LIX1L: variants seen among roughly 807,000 people sequenced by gnomAD.
LIX1L encodes LIX1-like protein.
Under a neutral mutation model 34.0 loss-of-function variants are expected in LIX1L, and 20 were observed. The observed-to-expected ratio is 0.59, with a 90% CI of 0.41 to 0.85. The LOEUF is 0.85. Ranked by LOEUF, LIX1L falls within the 40% of genes least tolerant of loss-of-function variation. The probability of loss-of-function intolerance (pLI) is 0.00; values close to 1 mark genes in which losing one functional copy is unlikely to be tolerated. For missense variants in LIX1L, 397 were observed against 447.0 expected, an observed-to-expected ratio of 0.89 and a Z score of 1.01; for synonymous variants, 170 against 187.4, an observed-to-expected ratio of 0.91 and a Z score of 0.76.
intron 2 of LIX1L, chr1:145,947,370 A>G: frequency 2.2e-6 from 1 of 447,360 alleles, no homozygotes; most frequent in East Asian, 3.3e-5. Flanking sequence ...TGGTAGTCGG[A>G]TATACTGAGC....
rs781998509 is a variant in LIX1L, at chr1:145,942,768, C to T, written c.542G>A (p.Arg181Lys). The T allele has an allele frequency of 6.2e-7, 1 of 1,614,120 alleles. No individual in the cohort carries two copies. Among genetic ancestry groups the T allele is most frequent in the South Asian group, 1.1e-5 (1 of 91,082 alleles). Residue 181 changes from arginine to lysine, a missense_variant, in exon 3 of 6, where the codon AGA becomes AAA. Arg to Lys is a conservative substitution (Grantham distance 26, BLOSUM62 2). Transcript: ENST00000604000. The stretch of plus-strand genomic sequence containing the variant: ...CTTCTCGATGAACTCATCAGTGATT[C>T]TTCGGGAAGGATGTTCATTAAACAC... ...NSVFNEHPSR[R>K]ITDEFIEKSV...
At chr1:145,949,786 C>A (rs1228252666) in intron 1 of LIX1L, among the ~76,000 whole-genome samples, 1 of 151,258 alleles carries the variant, frequency 6.6e-6, no homozygotes, top group Admixed American at 6.6e-5. Flanking sequence ...CCCAGGTGCT[C>A]TGAAATATCT....
At chr1:145,936,712 G>T in intron 5 of LIX1L, 160 bp from the exon 6 acceptor site, 1 of 880,960 alleles carries the variant, frequency 1.1e-6, no homozygotes, top group Admixed American at 2.4e-5. Flanking sequence ...GCTACGGGAA[G>T]CAAGATAGAC....
chr1:145,953,582 A>G (rs587606605), intron 1 of LIX1L, among the ~76,000 whole-genome samples: 9 of 152,296 alleles, frequency 5.9e-5, no homozygotes, highest in African/African-American at 2.2e-4. Flanking sequence ...TGACTTTGGG[A>G]GGGGACTCTG....
Position 145,957,943 on chromosome 1 carries a change from A to C in LIX1L, c.-16T>G, listed in dbSNP as rs1649556291. 1 of 1,455,242 alleles carries C rather than the reference A, an allele frequency of 6.9e-7. No individual in the cohort carries two copies. The highest frequency in any genetic ancestry group is 1.5e-5 in the African/African-American group (1 of 68,042). The allele number at this position is 1,455,242 out of a possible 1,614,324, so 90.1% of individuals were successfully genotyped here. A position where few individuals can be genotyped will look rare whatever the true frequency, so the allele number is the denominator to read the frequency against. Reference sequence around the variant, plus strand: ...TAGTCTCCATCCCGGCCGCCAATGGAGTAGCGCCCCGGAGCCTGCCAGCCT... The same window carrying C: ...TAGTCTCCATCCCGGCCGCCAATGGCGTAGCGCCCCGGAGCCTGCCAGCCT... On this transcript the variant is annotated 5_prime_UTR_variant, in exon 1 of 6. Transcript: ENST00000604000.
At chr1:145,949,700 T>C (rs1553759596) in intron 1 of LIX1L, among the ~76,000 whole-genome samples, 2 of 152,144 alleles carry the variant, frequency 1.3e-5, no homozygotes, top group East Asian at 3.9e-4. Flanking sequence ...AGTTTGCTTT[T>C]AGAAAGGATC....
chr1:145,956,924 A>T (rs1203720451), intron 1 of LIX1L, among the ~76,000 whole-genome samples: 1 of 152,196 alleles, frequency 6.6e-6, no homozygotes, highest in Admixed American at 6.6e-5. Flanking sequence ...AAGGCCTGGG[A>T]TTTATCCTCA....
intron 1 of LIX1L, among the ~76,000 whole-genome samples, chr1:145,952,086 AGAAAGAACAG>A (rs1553759876): frequency 6.6e-6 from 1 of 152,216 alleles, no homozygotes. Context: ...ATGCTGGCTA[AGAAAGAACAG>A]AAGACTTGTT....
At chr1:145,943,377 A>C (rs587677826) in intron 2 of LIX1L, among the ~76,000 whole-genome samples, 13 of 152,290 alleles carry the variant, frequency 8.5e-5, no homozygotes, top group Middle Eastern at 3.4e-3. Context: ...GTGAGCAGGC[A>C]TTTTCTCAAA....
chr1:145,956,448 T>C (rs1393002056), intron 1 of LIX1L, among the ~76,000 whole-genome samples: 1 of 152,220 alleles, frequency 6.6e-6, no homozygotes, highest in Non-Finnish European at 1.5e-5. Context: ...AGTCAATCCA[T>C]ATTGTAACCC....
chr1:145,946,356 G>A (rs1176579435), intron 2 of LIX1L, among the ~76,000 whole-genome samples: 1 of 151,794 alleles, frequency 6.6e-6, no homozygotes, highest in Non-Finnish European at 1.5e-5. Context: ...GCACCACCAT[G>A]CCCAGCTAAT....
rs1553758831 is a variant in LIX1L, at chr1:145,942,771, C to T, written c.539G>A (p.Arg180Gln). The T allele has an allele frequency of 5.0e-6, 8 of 1,613,938 alleles. No individual in the cohort carries two copies. The highest frequency in any genetic ancestry group is 2.2e-5 in the East Asian group (1 of 44,904). The change falls in exon 3 of 6, where the codon CGA becomes CAA. Residue 180 changes from arginine (R) to glutamine (Q), a missense_variant. Transcript: ENST00000604000. The stretch of plus-strand genomic sequence containing the variant: ...CTCGATGAACTCATCAGTGATTCTT[C>T]GGGAAGGATGTTCATTAAACACAGA... ...MNSVFNEHPS[R>Q]RITDEFIEKS...
At chr1:145,955,767 G>C (rs1649451994) in intron 1 of LIX1L, among the ~76,000 whole-genome samples, 1 of 152,194 alleles carries the variant, frequency 6.6e-6, no homozygotes, top group Non-Finnish European at 1.5e-5. Context: ...GCGATGGGAG[G>C]TGGGGAGATA....
chr1:145,950,111 G>GTGAGCCACCACGTC (rs1649239765), intron 1 of LIX1L: 1 of 152,282 alleles, frequency 6.6e-6, no homozygotes, highest in Non-Finnish European at 1.5e-5. Context: ...GATTACAGGC[G>GTGAGCCACCACGTC]TGAGCCACCA....
rs181900717 is a variant in LIX1L, at chr1:145,937,016, A to G, written c.694-31T>C. On this transcript the variant is annotated intron_variant, in intron 4 of 5. Transcript: ENST00000604000. ...GGAAGAGGATAGGAAGTACCAGGAC[A>G]GTGATTTTTATATTGGGAGGTTGCA... is the stretch of plus-strand genomic sequence containing the variant. 138 of 1,482,136 alleles carry G rather than the reference A, an allele frequency of 9.3e-5. 1 individual carries two copies. The Admixed American group carries it at 2.2e-3, about 24-fold the overall frequency. 91.8% of individuals were successfully genotyped at this position (1,482,136 alleles called of 1,614,324 possible).
intron 3 of LIX1L, among the ~76,000 whole-genome samples, chr1:145,940,717 A>AC (rs1648880321): frequency 7.3e-6 from 1 of 136,342 alleles, no homozygotes. Flanking sequence ...CACCTGGCTA[A>AC]TTTTTTTTTT....
intron 3 of LIX1L, among the ~76,000 whole-genome samples, chr1:145,940,841 G>A (rs1323864810): frequency 2.0e-5 from 3 of 151,348 alleles, no homozygotes; most frequent in East Asian, 3.9e-4. Flanking sequence ...ATGAGCCACC[G>A]TGCCTGGCCA....
intron 2 of LIX1L, 104 bp from the exon 3 acceptor site, chr1:145,942,957 T>G: frequency 8.1e-6 from 9 of 1,117,044 alleles, no homozygotes; most frequent in Non-Finnish European, 1.2e-5. Context: ...TTGGACGCTC[T>G]TTGGATAAAT....
intron 3 of LIX1L, among the ~76,000 whole-genome samples, 189 bp from the exon 4 acceptor site, chr1:145,937,888 G>A (rs1648723343): frequency 6.6e-6 from 1 of 152,170 alleles, no homozygotes; most frequent in South Asian, 2.1e-4. Context: ...AGCACTGTGG[G>A]AGGCCAAGGT....
Sources: allele counts gnomAD v4.1 joint callset (sites outside exome capture counted in the v4.1 genomes callset), GRCh38; gene constraint gnomAD v4.1.1; transcripts MANE v1.5; gene names NCBI Gene and HGNC (gene_info 2026-07-23, HGNC 2026-07-21).